Variants in SLC25A15 observed in about 807,000 individuals in gnomAD.
SLC25A15 encodes mitochondrial ornithine transporter 1.
SLC25A15 carries 24 observed loss-of-function variants against 32.3 expected under a neutral mutation model. That is an observed-to-expected ratio of 0.74 (90% confidence interval 0.54 to 1.04). The LOEUF (loss-of-function observed/expected upper bound fraction) is 1.04, where lower values mean the gene tolerates loss of function less well. Among genes scored for constraint, SLC25A15 ranks in the 50% least tolerant of loss-of-function variants. SLC25A15 has a pLI of 0.00. For synonymous variants in SLC25A15, 132 were observed against 142.1 expected, an observed-to-expected ratio of 0.93 and a Z score of 0.51; for missense variants, 317 against 374.5, an observed-to-expected ratio of 0.85 and a Z score of 1.27.
At chr13:40,796,210 T>C (rs1881666024) in intron 2 of SLC25A15, among the ~76,000 whole-genome samples, 1 of 152,176 alleles carries the variant, frequency 6.6e-6, no homozygotes, top group East Asian at 1.9e-4. Context: ...GTGTTGTGTG[T>C]GTCTCTTCTT....
intron 1 of SLC25A15, among the ~76,000 whole-genome samples, chr13:40,790,762 T>C (rs1305221739): frequency 6.6e-6 from 1 of 152,180 alleles, no homozygotes; most frequent in Non-Finnish European, 1.5e-5. Context: ...TAATTTTGTA[T>C]TTTTAATAGA....
Position 40,811,617 on chromosome 13 carries a change from A to G in SLC25A15, c.*1950A>G, listed in dbSNP as rs1380809004. On this transcript the variant is annotated 3_prime_UTR_variant, in exon 7 of 7. Transcript: ENST00000338625. ...TGATCCCCCATAGACTTGGGGATGGACAGCTGTTCTTTGGCCATATGGTAT... is the reference window on the plus strand; with the variant it reads ...TGATCCCCCATAGACTTGGGGATGGGCAGCTGTTCTTTGGCCATATGGTAT... Among the ~76,000 whole-genome samples, 2 of 152,124 alleles carry G rather than the reference A, an allele frequency of 1.3e-5. No homozygotes were observed. Among genetic ancestry groups the G allele is most frequent in the Non-Finnish European group, 2.9e-5 (2 of 68,012 alleles).
chr13:40,808,667 C>T (rs572231819), intron 6 of SLC25A15, 71 bp downstream of exon 6: 43 of 1,415,294 alleles, frequency 3.0e-5, no homozygotes, highest in Non-Finnish European at 4.2e-5. Context: ...GGCGTGGTGG[C>T]TCATGCCTGT....
intron 3 of SLC25A15, among the ~76,000 whole-genome samples, chr13:40,801,092 G>C (rs1385803185): frequency 6.6e-6 from 1 of 152,038 alleles, no homozygotes; most frequent in Non-Finnish European, 1.5e-5. Context: ...ACTTAGCTGA[G>C]TGTGGTAGCA....
chr13:40,803,365 C>T (rs1593293221), intron 3 of SLC25A15, among the ~76,000 whole-genome samples: 1 of 152,152 alleles, frequency 6.6e-6, no homozygotes, highest in Non-Finnish European at 1.5e-5. Flanking sequence ...CAGGCGTGCA[C>T]CACCAGGCAT....
In SLC25A15 at chr13:40,810,990, G is replaced by A. The variant is rs2138061467; in HGVS notation, c.*1323G>A. On this transcript the variant is annotated 3_prime_UTR_variant, in exon 7 of 7. Coordinates refer to ENST00000338625, the MANE Select transcript of SLC25A15 (RefSeq NM_014252.4). ...CTTCTTCCCTGTTTGGTGATTGTGT[G>A]ACAGTGGGTGAACCTCTCTCAGAGA... The A allele has an allele frequency of 5.1e-6, 2 of 395,890 alleles. No homozygotes were observed. Among genetic ancestry groups the A allele is most frequent in the South Asian group, 3.8e-5 (2 of 52,498 alleles). 24.5% of individuals were successfully genotyped at this position (395,890 alleles called of 1,614,324 possible). A position where few individuals can be genotyped will look rare whatever the true frequency, so the allele number is the denominator to read the frequency against.
Position 40,811,009 on chromosome 13 carries a change from TCA to T in SLC25A15, c.*1343_*1344del. 1 of 379,722 alleles carries T rather than the reference TCA, an allele frequency of 2.6e-6. No homozygotes were observed. Among genetic ancestry groups the T allele is most frequent in the South Asian group, 2.0e-5 (1 of 50,332 alleles). The allele number at this position is 379,722 out of a possible 1,614,324, so 23.5% of individuals were successfully genotyped here. ...TTGTGTGACAGTGGGTGAACCTCTC[TCA>T]GAGAGAACTAGAAAGAACTCAGTGC... On this transcript the variant is annotated 3_prime_UTR_variant, in exon 7 of 7. Coordinates refer to ENST00000338625, the MANE Select transcript of SLC25A15 (RefSeq NM_014252.4).
At chr13:40,790,544 G>A (rs1470279409) in intron 1 of SLC25A15, among the ~76,000 whole-genome samples, 4 of 152,126 alleles carry the variant, frequency 2.6e-5, no homozygotes, top group African/African-American at 7.2e-5. Context: ...ACCCATCATC[G>A]TTTTCTATCC....
intron 2 of SLC25A15, 183 bp from the exon 3 acceptor site, chr13:40,798,874 A>G: frequency 1.0e-6 from 1 of 985,418 alleles, no homozygotes; most frequent in Non-Finnish European, 1.2e-6. Flanking sequence ...TGGGACTTAG[A>G]TGCCAGGCAC....
chr13:40,808,271 T>C (rs1566124635), intron 5 of SLC25A15, among the ~76,000 whole-genome samples, 167 bp from the exon 6 acceptor site: 1 of 152,228 alleles, frequency 6.6e-6, no homozygotes, highest in Non-Finnish European at 1.5e-5. Flanking sequence ...CCTGTGTTCT[T>C]AGAGCTTGGG....
At chr13:40,797,589 C>T (rs564697747) in intron 2 of SLC25A15, among the ~76,000 whole-genome samples, 20 of 152,088 alleles carry the variant, frequency 1.3e-4, no homozygotes, top group South Asian at 4.2e-4. Flanking sequence ...TGTGTCATTC[C>T]TCTCCTGTAA....
intron 1 of SLC25A15, 126 bp downstream of exon 1, chr13:40,789,789 G>T (rs893475563): frequency 6.6e-6 from 1 of 151,880 alleles, no homozygotes; most frequent in Non-Finnish European, 1.5e-5. Context: ...CGGGGGAAGC[G>T]GCCAGCGTCG....
chr13:40,798,939 A>G (rs973485322), intron 2 of SLC25A15, 118 bp from the exon 3 acceptor site: 147 of 1,600,610 alleles, frequency 9.2e-5, no homozygotes, highest in South Asian at 5.3e-4. Flanking sequence ...TTTTGGAGGA[A>G]AAGAGGTTGA....
chr13:40,798,558 C>A (rs1421864134), intron 2 of SLC25A15: 4 of 156,438 alleles, frequency 2.6e-5, no homozygotes, highest in African/African-American at 9.6e-5. Context: ...GAAGTCTTCC[C>A]AGGTCTCCCC....
chr13:40,799,411 G>C, intron 3 of SLC25A15, 96 bp downstream of exon 3: 3 of 1,524,362 alleles, frequency 2.0e-6, no homozygotes, highest in Non-Finnish European at 1.8e-6. Context: ...AGCACTTTGG[G>C]AGGCAAAGGC....
At chr13:40,789,804 G>T (rs1881417259) in intron 1 of SLC25A15, 141 bp downstream of exon 1, 1 of 152,012 alleles carries the variant, frequency 6.6e-6, no homozygotes, top group Non-Finnish European at 1.5e-5. Flanking sequence ...GCGTCGCAGC[G>T]CACGTGCCGC....
intron 2 of SLC25A15, among the ~76,000 whole-genome samples, chr13:40,794,321 C>T (rs1881601987): frequency 1.4e-5 from 2 of 144,808 alleles, no homozygotes; most frequent in South Asian, 4.3e-4. Flanking sequence ...GCCTGGGCAA[C>T]AACAGTGAAA....
chr13:40,794,351 A>C (rs1445968075), intron 2 of SLC25A15, among the ~76,000 whole-genome samples: 1 of 152,130 alleles, frequency 6.6e-6, no homozygotes, highest in African/African-American at 2.4e-5. Context: ...AAAAAAAAAA[A>C]AAAAAGACAT....
intron 5 of SLC25A15, among the ~76,000 whole-genome samples, chr13:40,807,699 T>C (rs1882251370): frequency 6.6e-6 from 1 of 152,220 alleles, no homozygotes; most frequent in Non-Finnish European, 1.5e-5. Flanking sequence ...CCAAACTTTC[T>C]TACTGGAATA....
Sources: gnomAD v4.1 joint callset for allele counts (sites outside exome capture counted in the v4.1 genomes callset) on GRCh38, gnomAD v4.1.1 for gene constraint, MANE v1.5 for transcripts, NCBI Gene and HGNC (gene_info 2026-07-23, HGNC 2026-07-21) for gene names.